ZAR1L: variants seen among roughly 807,000 people sequenced by gnomAD.
ZAR1L encodes the protein protein ZAR1-like.
ZAR1L carries 16 observed loss-of-function variants against 30.0 expected under a neutral mutation model. The ratio of observed to expected loss-of-function variants is 0.53; its 90% CI spans 0.36 to 0.81. The LOEUF is 0.81. ZAR1L is among the 30% of genes least tolerant of loss of function. The pLI is 0.00. For missense variants in ZAR1L, 392 were observed against 417.2 expected (o/e 0.94, Z 0.53); for synonymous variants, 197 against 166.8 (o/e 1.18, Z -1.40).
At chr13:32,306,748 T>A (rs1184378522) in intron 5 of ZAR1L, among the ~76,000 whole-genome samples, 1 of 151,938 alleles carries the variant, frequency 6.6e-6, no homozygotes, top group African/African-American at 2.4e-5. Flanking sequence ...CTGGCCAACA[T>A]GGAGAAACCC....
Position 32,310,855 on chromosome 13 carries a change from A to G in ZAR1L, c.655-124T>C, listed in dbSNP as rs565404302. 21 of 686,512 alleles carry G rather than the reference A, an allele frequency of 3.1e-5. 1 individual carries two copies. In the South Asian group the frequency reaches 3.5e-4, roughly 11 times the overall value. The allele number at this position is 686,512 out of a possible 1,614,324, so 42.5% of individuals were successfully genotyped here. On this transcript the variant is annotated intron_variant, in intron 3 of 5. Coordinates refer to ENST00000533490, the MANE Select transcript of ZAR1L (RefSeq NM_001136571.2). Reference sequence around the variant, plus strand: ...AACCTCACTTGTATCTATTCTCAAGACTACGGCATTGATTCAGTTTCTCAT... The same window carrying G: ...AACCTCACTTGTATCTATTCTCAAGGCTACGGCATTGATTCAGTTTCTCAT...
At chr13:32,309,446 G>A (rs9526072) in intron 4 of ZAR1L, among the ~76,000 whole-genome samples, 7,866 of 152,020 alleles carry the variant, frequency 0.052, 276 homozygotes, top group East Asian at 0.12. Context: ...AGTATTTCCC[G>A]GCTTACACTT....
rs1205448770 is a variant in ZAR1L, at chr13:32,303,776, G to T, written c.*103C>A. ...AATCTACAAAAAGTACAAAAGCCTA[G>T]CCATTTTCCGATGCCAGGTCAGAGC... On this transcript the variant is annotated 3_prime_UTR_variant, in exon 6 of 6. Transcript: ENST00000533490. 1.7e-6 allele frequency: 2 copies of T among 1,153,426 alleles called. No homozygotes were observed. Among genetic ancestry groups the T allele is most frequent in the South Asian group, 1.7e-5 (1 of 59,778 alleles). 71.4% of individuals were successfully genotyped at this position (1,153,426 alleles called of 1,614,324 possible).
chr13:32,311,289 G>A lies in ZAR1L; in HGVS notation c.637C>T (p.Arg213Trp), dbSNP rs867760006. 62 of 1,548,444 alleles carry A rather than the reference G, an allele frequency of 4.0e-5. 4 individuals carry two copies. In the Middle Eastern group the frequency reaches 7.3e-3, roughly 182 times the overall value. The change falls in exon 3 of 6, where the codon CGG (arginine) becomes TGG (tryptophan). Residue 213 changes from arginine to tryptophan, a missense_variant. Physicochemically the swap from Arg to Trp is moderately radical, Grantham distance 101. Coordinates refer to ENST00000533490, the MANE Select transcript of ZAR1L (RefSeq NM_001136571.2). ...GGATCTACCTGGAAGTTGGGCCTCC[G>A]GAGCGGCTCGGAGGCGGCGTCTCCA... ...VPGDAASEPL[R>W]RPNFQFLEPK...
chr13:32,311,446 A>T lies in ZAR1L; in HGVS notation c.480T>A (p.Pro160=), dbSNP rs964015526. The change falls in exon 3 of 6, where the codon CCT becomes CCA. Residue 160 remains proline (P), a synonymous_variant. Transcript: ENST00000533490. ...GTGGCTGCGGCTGGCTGGCCTCCGC[A>T]GGGCCCGGGAGCGCCTTGCTCTCCG... ...DEAESKALPG[P]AEASQPQPPS... 5.8e-6 allele frequency: 9 copies of T among 1,547,560 alleles called. No individual in the cohort carries two copies. The highest frequency in any genetic ancestry group is 7.8e-6 in the Non-Finnish European group (9 of 1,146,810).
intron 5 of ZAR1L, among the ~76,000 whole-genome samples, chr13:32,306,930 C>CGAAAA (rs2072179895): frequency 1.7e-5 from 1 of 59,088 alleles, no homozygotes; most frequent in Non-Finnish European, 2.8e-5. Flanking sequence ...GACTCTATCT[C>CGAAAA]AAAAAAAAAA....
In ZAR1L at chr13:32,310,691, C is replaced by G; in HGVS notation, c.695G>C (p.Cys232Ser). The change falls in exon 4 of 6, where the codon TGT (cysteine) becomes TCT (serine). Residue 232 changes from cysteine to serine, a missense_variant. Coordinates refer to ENST00000533490, the MANE Select transcript of ZAR1L (RefSeq NM_001136571.2). ...PKYGYFHCKD[C>S]KTRWESAYVW... Reference sequence around the variant, plus strand: ...GTAAGCACTCTCCCACCTGGTCTTACAATCTTTACAGTGGAAATAGCCATA... The same window carrying G: ...GTAAGCACTCTCCCACCTGGTCTTAGAATCTTTACAGTGGAAATAGCCATA... 1 of 1,551,648 alleles carries G rather than the reference C, an allele frequency of 6.4e-7. No individual in the cohort carries two copies. The highest frequency in any genetic ancestry group is 8.7e-7 in the Non-Finnish European group (1 of 1,146,956).
In ZAR1L at chr13:32,312,025, G is replaced by A; in HGVS notation, c.-100C>T. On this transcript the variant is annotated 5_prime_UTR_variant, in exon 3 of 6. Transcript: ENST00000533490. Reference sequence around the variant, plus strand: ...ATCCGCCCCTTCTTTCTCTTCATCAGGTTGGTTCAGATTCATTCCTGGCTT... The same window carrying A: ...ATCCGCCCCTTCTTTCTCTTCATCAAGTTGGTTCAGATTCATTCCTGGCTT... 7.5e-7 allele frequency: 1 copy of A among 1,337,678 alleles called. No homozygotes were observed. Among genetic ancestry groups the A allele is most frequent in the South Asian group, 1.5e-5 (1 of 65,294 alleles). 82.9% of individuals were successfully genotyped at this position (1,337,678 alleles called of 1,614,324 possible).
At position 32,311,510 on chromosome 13, in the gene ZAR1L, C is replaced by T. The variant is rs779748199; in HGVS notation, c.416G>A (p.Arg139His). Residue 139 changes from arginine (R) to histidine (H), a missense_variant, in exon 3 of 6, where the codon CGC (arginine) becomes CAC (histidine). Transcript: ENST00000533490. Reference protein sequence around the residue: ...ACGVTSPATGRRGLIRLRRDG... With the variant: ...ACGVTSPATGHRGLIRLRRDG... ...TCTCCGCAGGCGGATCAAGCCCCTG[C>T]GGCCGGTGGCGGGCGAAGTGACCCC... 4 of 1,538,236 alleles carry T rather than the reference C, an allele frequency of 2.6e-6. No individual in the cohort carries two copies. Among genetic ancestry groups the T allele is most frequent in the African/African-American group, 1.4e-5 (1 of 72,736 alleles).
chr13:32,306,546 A>G (rs961199947), intron 5 of ZAR1L, among the ~76,000 whole-genome samples: 6 of 152,252 alleles, frequency 3.9e-5, no homozygotes, highest in African/African-American at 1.4e-4. Context: ...ATATTGTTTC[A>G]TAGAAACAAT....
chr13:32,310,134 T>G (rs1482946222), intron 4 of ZAR1L, among the ~76,000 whole-genome samples: 5 of 152,274 alleles, frequency 3.3e-5, no homozygotes, highest in Non-Finnish European at 7.3e-5. Flanking sequence ...GCCTACAGGA[T>G]TCACGAAAAT....
At position 32,310,411 on chromosome 13, in the gene ZAR1L, C is replaced by T. The variant is rs138623488; in HGVS notation, c.747+228G>A. ...CAAGAACAAAAGTTCATCTAAGTAACCTGACATCTTGTCATATATAACGCC... is the reference window on the plus strand; with the variant it reads ...CAAGAACAAAAGTTCATCTAAGTAATCTGACATCTTGTCATATATAACGCC... On this transcript the variant is annotated intron_variant, in intron 4 of 5. Coordinates refer to ENST00000533490, the MANE Select transcript of ZAR1L (RefSeq NM_001136571.2). Among the ~76,000 whole-genome samples, 215 of 152,344 alleles carry T rather than the reference C, an allele frequency of 1.4e-3. 1 individual carries two copies. The highest frequency in any genetic ancestry group is 4.9e-3 in the African/African-American group (204 of 41,574).
chr13:32,310,458 G>A (rs1425497707), intron 4 of ZAR1L, among the ~76,000 whole-genome samples, 181 bp downstream of exon 4: 3 of 152,102 alleles, frequency 2.0e-5, no homozygotes, highest in Admixed American at 6.5e-5. Context: ...CGGAAACCCA[G>A]GTGGACAGTC....
Position 32,311,487 on chromosome 13 carries a change from T to G in ZAR1L, c.439A>C (p.Arg147=). The change falls in exon 3 of 6, where the codon AGA becomes CGA. Residue 147 remains arginine, a synonymous_variant. Coordinates refer to ENST00000533490, the MANE Select transcript of ZAR1L (RefSeq NM_001136571.2). ...TTGCTCTCCGCTTCGTCCCCATCTC[T>G]CCGCAGGCGGATCAAGCCCCTGCGG... The part of the protein sequence containing the change: ...TGRRGLIRLR[R]DGDEAESKAL... 6.5e-7 allele frequency: 1 copy of G among 1,545,202 alleles called. No individual in the cohort carries two copies. Among genetic ancestry groups the G allele is most frequent in the Admixed American group, 2.0e-5 (1 of 50,894 alleles).
In ZAR1L at chr13:32,308,739, A is replaced by C; in HGVS notation, c.769T>G (p.Cys257Gly). ...GGGTTAAAACTCTTTTGGCATTTACAACAGAGTTGTTTGAAATAAACCTAA... is the reference window on the plus strand; with the variant it reads ...GGGTTAAAACTCTTTTGGCATTTACCACAGAGTTGTTTGAAATAAACCTAA... ...TNKVYFKQLC[C>G]KCQKSFNPYR... is the part of the protein sequence containing the mutation. The change falls in exon 5 of 6, where the codon TGT becomes GGT. Residue 257 changes from cysteine to glycine, a missense_variant. Transcript: ENST00000533490. The C allele has an allele frequency of 6.4e-7, 1 of 1,550,892 alleles. No homozygotes were observed. The highest frequency in any genetic ancestry group is 8.7e-7 in the Non-Finnish European group (1 of 1,146,580).
In ZAR1L at chr13:32,312,005, C is replaced by G. The variant is rs2072217771; in HGVS notation, c.-80G>C. 2 of 1,408,670 alleles carry G rather than the reference C, an allele frequency of 1.4e-6. No individual in the cohort carries two copies. The highest frequency in any genetic ancestry group is 5.4e-5 in the Admixed American group (2 of 37,176). The allele number at this position is 1,408,670 out of a possible 1,614,324, so 87.3% of individuals were successfully genotyped here. A position where few individuals can be genotyped will look rare whatever the true frequency, so the allele number is the denominator to read the frequency against. Reference sequence around the variant, plus strand: ...TTATTTTGCCTTCCTCCTTCATCCGCCCCTTCTTTCTCTTCATCAGGTTGG... The same window carrying G: ...TTATTTTGCCTTCCTCCTTCATCCGGCCCTTCTTTCTCTTCATCAGGTTGG... On this transcript the variant is annotated 5_prime_UTR_variant, in exon 3 of 6. Transcript: ENST00000533490.
intron 5 of ZAR1L, among the ~76,000 whole-genome samples, chr13:32,305,225 CT>C (rs576728566): frequency 6.9e-4 from 101 of 146,612 alleles, no homozygotes; most frequent in Non-Finnish European, 8.9e-4. Context: ...GAGAAAATTC[CT>C]TTTTTTTTTT....
In ZAR1L at chr13:32,310,634, T is replaced by C. The variant is rs206111; in HGVS notation, c.747+5A>G. 598,844 of 1,541,440 alleles carry C rather than the reference T, an allele frequency of 0.39. 117,924 individuals are homozygous for C. Among genetic ancestry groups the C allele is most frequent in the East Asian group, 0.51 (20,810 of 40,826 alleles). ...CTCCTCTCACCTCCTACTCTTTTTA[T>C]TTACCTTGTTCGTTCCAGAAATGCA... is the stretch of plus-strand genomic sequence containing the variant. On this transcript the variant is annotated splice_donor_5th_base_variant and intron_variant, in intron 4 of 5. Coordinates refer to ENST00000533490, the MANE Select transcript of ZAR1L (RefSeq NM_001136571.2).
intron 3 of ZAR1L, 107 bp downstream of exon 3, chr13:32,311,165 A>T: frequency 1.6e-6 from 2 of 1,257,588 alleles, no homozygotes; most frequent in Non-Finnish European, 2.1e-6. Flanking sequence ...TTCACCAAGT[A>T]CATGGAAGAA....
Sources: gnomAD v4.1 joint callset for allele counts (sites outside exome capture counted in the v4.1 genomes callset) on GRCh38, gnomAD v4.1.1 for gene constraint, MANE v1.5 for transcripts, NCBI Gene and HGNC (gene_info 2026-07-23, HGNC 2026-07-21) for gene names.